The following FAM234A variants were observed in gnomAD, a reference collection of about 807,000 sequenced individuals.
FAM234A encodes the protein protein FAM234A.
FAM234A carries 42 observed loss-of-function variants against 49.1 expected under a neutral mutation model. That is an observed-to-expected ratio of 0.86 (90% CI 0.67 to 1.11). The LOEUF (loss-of-function observed/expected upper bound fraction) is 1.11, where lower values mean the gene tolerates loss of function less well. Among genes scored for constraint, FAM234A ranks in the 50% least tolerant of loss-of-function variants. The probability of loss-of-function intolerance (pLI) is 0.00; values close to 1 mark genes in which losing one functional copy is unlikely to be tolerated. For synonymous variants in FAM234A, 369 were observed against 316.2 expected (o/e 1.17, Z -1.77); for missense variants, 815 against 745.2 (o/e 1.09, Z -1.09).
intron 2 of FAM234A, among the ~76,000 whole-genome samples, chr16:251,219 G>A (rs2050991928): frequency 1.3e-5 from 2 of 152,194 alleles, no homozygotes; most frequent in Admixed American, 6.5e-5. Context: ...GCCTCTCAAA[G>A]TGTTGGGATC....
At chr16:261,632 G>C in intron 6 of FAM234A, 118 bp downstream of exon 6, 1 of 1,246,000 alleles carries the variant, frequency 8.0e-7, no homozygotes, top group Non-Finnish European at 1.1e-6. Context: ...ACTTGCCGGG[G>C]ACTCGCCCAG....
intron 1 of FAM234A, among the ~76,000 whole-genome samples, chr16:244,854 A>ATTTTTTTTTTTTTTTTTTTTTTTTTTTTT (rs1203898846): frequency 6.8e-6 from 1 of 147,276 alleles, no homozygotes; most frequent in Non-Finnish European, 1.5e-5. Flanking sequence ...CGCCCGGCTA[A>ATTTTTTTTTTTTTTTTTTTTTTTTTTTTT]TTTTTTTTTG....
intron 1 of FAM234A, chr16:248,185 G>GTAA (rs2050882207): frequency 6.6e-6 from 1 of 152,066 alleles, no homozygotes; most frequent in Non-Finnish European, 1.5e-5. Flanking sequence ...ATCCCCAACC[G>GTAA]TGTTACTAAT....
At chr16:250,995 T>C (rs373993951) in intron 2 of FAM234A, among the ~76,000 whole-genome samples, 2 of 152,296 alleles carry the variant, frequency 1.3e-5, no homozygotes, top group African/African-American at 2.4e-5. Context: ...CTCCCTCTAT[T>C]GCCCAGGCTG....
Position 265,391 on chromosome 16 carries a change from C to T in FAM234A, c.*369C>T. On this transcript the variant is annotated 3_prime_UTR_variant, in exon 13 of 13. Transcript: ENST00000399932. ...CGGTGCCCTCTCCTTGCCAGCTTCT[C>T]CCCAGGCCAGAGCGGCCATCGCGTA... 9.6e-7 allele frequency: 1 copy of T among 1,043,074 alleles called. No homozygotes were observed. Among genetic ancestry groups the T allele is most frequent in the Non-Finnish European group, 1.2e-6 (1 of 867,494 alleles). 64.6% of individuals were successfully genotyped at this position (1,043,074 alleles called of 1,614,324 possible). A position where few individuals can be genotyped will look rare whatever the true frequency, so the allele number is the denominator to read the frequency against.
At chr16:242,810 C>T (rs994691179) in intron 1 of FAM234A, among the ~76,000 whole-genome samples, 1 of 152,014 alleles carries the variant, frequency 6.6e-6, no homozygotes, top group Admixed American at 6.6e-5. Flanking sequence ...GATGGAGTTT[C>T]ACCATGTTGG....
At chr16:268,619 C>A (rs902872120), downstream of FAM234A, 2 of 681,284 alleles carry the variant, frequency 2.9e-6, no homozygotes, top group Non-Finnish European at 5.0e-6. Flanking sequence ...GTCTATAAAT[C>A]GGGGGGGAGG....
downstream of FAM234A, chr16:269,780 G>C (rs2051834077): frequency 3.6e-6 from 2 of 558,314 alleles, no homozygotes; most frequent in East Asian, 6.0e-5. Flanking sequence ...CCGTCTGCCT[G>C]GGCCATGTCG....
At chr16:266,583 C>T (rs963762712), downstream of FAM234A, among the ~76,000 whole-genome samples, 11 of 152,140 alleles carry the variant, frequency 7.2e-5, no homozygotes, top group East Asian at 1.9e-4. Context: ...GACTGTCCCA[C>T]GGCCATGTAT....
At chr16:258,936 C>G (rs978514088) in intron 3 of FAM234A, among the ~76,000 whole-genome samples, 3 of 152,164 alleles carry the variant, frequency 2.0e-5, no homozygotes, top group African/African-American at 7.2e-5. Flanking sequence ...GCACGTGCTA[C>G]TACACCCAGC....
Position 264,724 on chromosome 16 carries a change from T to C in FAM234A, c.1447+8T>C, listed in dbSNP as rs2051625311. ...ACATTGTCGCCTTTGACGGTGAGTG[T>C]GGCCTCGGCCAGGGACCCGGGTGTT... On this transcript the variant is annotated splice_region_variant and intron_variant, in intron 12 of 12. Coordinates refer to ENST00000399932, the MANE Select transcript of FAM234A (RefSeq NM_032039.4). 6 of 1,610,618 alleles carry C rather than the reference T, an allele frequency of 3.7e-6. 1 individual carries two copies. The East Asian group carries it at 1.1e-4, about 30-fold the overall frequency.
intron 8 of FAM234A, 42 bp from the exon 9 acceptor site, chr16:263,220 C>T (rs775995237): frequency 5.0e-6 from 8 of 1,600,596 alleles, no homozygotes; most frequent in Admixed American, 1.7e-5. Context: ...CCTGAGGCCG[C>T]CCCGGGGACC....
At chr16:253,701 C>G (rs541213578) in intron 2 of FAM234A, 1 of 152,398 alleles carries the variant, frequency 6.6e-6, no homozygotes, top group African/African-American at 2.4e-5. Flanking sequence ...GTCTTGATCT[C>G]CTGACCTCGT....
Position 262,225 on chromosome 16 carries a change from G to T in FAM234A, c.841G>T (p.Ala281Ser), listed in dbSNP as rs757279121. 6.2e-7 allele frequency: 1 copy of T among 1,613,704 alleles called. No homozygotes were observed. Among genetic ancestry groups the T allele is most frequent in the Non-Finnish European group, 8.5e-7 (1 of 1,179,902 alleles). ...TGCCCACTACATCCTCTTTCCCTGC[G>T]GTACGTTGTTTCTGCCACATCCCTG... ...TGAHYILFPC[A>S]SSLCGCSVKG... The change falls in exon 7 of 13, where the codon GCA becomes TCA. Residue 281 changes from alanine (A) to serine (S), a missense_variant and splice_region_variant. Transcript: ENST00000399932.
intron 1 of FAM234A, among the ~76,000 whole-genome samples, chr16:243,198 C>T (rs545716112): frequency 4.6e-5 from 7 of 152,218 alleles, no homozygotes; most frequent in East Asian, 3.9e-4. Context: ...AGACTGGTCT[C>T]GAACACCTGG....
chr16:268,678 T>C (rs2051781184), downstream of FAM234A: 1 of 1,335,578 alleles, frequency 7.5e-7, no homozygotes, highest in South Asian at 1.3e-5. Flanking sequence ...TGTGGACAAA[T>C]TCTGGAACGC....
chr16:236,289 A>G (rs960798908), intron 1 of FAM234A, among the ~76,000 whole-genome samples: 2 of 151,606 alleles, frequency 1.3e-5, no homozygotes, highest in Non-Finnish European at 2.9e-5. Flanking sequence ...CCTCCTGAGT[A>G]TCTGGGACTA....
chr16:260,011 C>A lies in FAM234A; in HGVS notation c.428C>A (p.Ala143Asp), dbSNP rs1596832156. The change falls in exon 5 of 13, where the codon GCC becomes GAC. Residue 143 changes from alanine to aspartate, a missense_variant. Coordinates refer to ENST00000399932, the MANE Select transcript of FAM234A (RefSeq NM_032039.4). ...ACCTTTGCAGCTGCTGTGTCGGGGG[C>A]CAACGGCAGCACGCTCTGGGAGAGA... ...PCTFAAAVSG[A>D]NGSTLWERPV... The A allele has an allele frequency of 6.2e-7, 1 of 1,609,788 alleles. No individual in the cohort carries two copies. The highest frequency in any genetic ancestry group is 8.5e-7 in the Non-Finnish European group (1 of 1,176,610).
chr16:265,101 C>T lies in FAM234A; in HGVS notation c.*79C>T. Reference sequence around the variant, plus strand: ...CTGGGAAGTGGGCCCTTCCCTGGGTCTCTGCACTGACTCCCCCACTCCTGA... The same window carrying T: ...CTGGGAAGTGGGCCCTTCCCTGGGTTTCTGCACTGACTCCCCCACTCCTGA... On this transcript the variant is annotated 3_prime_UTR_variant, in exon 13 of 13. Coordinates refer to ENST00000399932, the MANE Select transcript of FAM234A (RefSeq NM_032039.4). The T allele has an allele frequency of 6.6e-7, 1 of 1,511,576 alleles. No individual in the cohort carries two copies. The highest frequency in any genetic ancestry group is 8.8e-7 in the Non-Finnish European group (1 of 1,132,844). The allele number at this position is 1,511,576 out of a possible 1,614,324, so 93.6% of individuals were successfully genotyped here. A position where few individuals can be genotyped will look rare whatever the true frequency, so the allele number is the denominator to read the frequency against.
Sources: gnomAD v4.1 joint callset for allele counts (sites outside exome capture counted in the v4.1 genomes callset) on GRCh38, gnomAD v4.1.1 for gene constraint, MANE v1.5 for transcripts, NCBI Gene and HGNC (gene_info 2026-07-23, HGNC 2026-07-21) for gene names.